Variants in GUCY1B1 observed in about 807,000 individuals in gnomAD.
The protein encoded by GUCY1B1 is guanylate cyclase 1 soluble subunit beta 1.
A neutral mutation model predicts 71.0 loss-of-function variants in GUCY1B1; 43 were observed. That is an observed-to-expected ratio of 0.61 (90% CI 0.47 to 0.78). The LOEUF is 0.78. Ranked by LOEUF, GUCY1B1 falls within the 30% of genes least tolerant of loss-of-function variation. The pLI, the probability that GUCY1B1 is intolerant of heterozygous loss-of-function variation, is 0.00. For synonymous variants in GUCY1B1, 266 were observed against 259.7 expected, an observed-to-expected ratio of 1.02 and a Z score of -0.23; for missense variants, 535 against 754.1, an observed-to-expected ratio of 0.71 and a Z score of 3.40.
chr4:155,762,399 AT>A (rs1737057894), intron 2 of GUCY1B1, among the ~76,000 whole-genome samples: 1 of 152,212 alleles, frequency 6.6e-6, no homozygotes. Flanking sequence ...AACTATCTAA[AT>A]TGATGTTTAT....
In GUCY1B1 at chr4:155,796,472, A is replaced by C. The variant is rs2229201; in HGVS notation, c.939A>C (p.Leu313Phe). Residue 313 changes from leucine to phenylalanine, a missense_variant, in exon 8 of 14, where the codon TTA becomes TTC. Transcript: ENST00000264424. ...CLRLKGQMIY[L>F]PEADSILFLC... ...GTCTCAAGGGTCAAATGATCTACTTACCTGAAGCAGATAGCATACTTTTTC... is the reference window on the plus strand; with the variant it reads ...GTCTCAAGGGTCAAATGATCTACTTCCCTGAAGCAGATAGCATACTTTTTC... 6.2e-7 allele frequency: 1 copy of C among 1,610,102 alleles called. No individual in the cohort carries two copies. The highest frequency in any genetic ancestry group is 8.5e-7 in the Non-Finnish European group (1 of 1,176,382).
intron 8 of GUCY1B1, among the ~76,000 whole-genome samples, chr4:155,797,005 A>C (rs1739600406): frequency 6.6e-6 from 1 of 152,200 alleles, no homozygotes; most frequent in Non-Finnish European, 1.5e-5. Context: ...CACTGTTCCA[A>C]ATATATTATT....
At chr4:155,803,459 G>T (rs1740094036) in intron 10 of GUCY1B1, among the ~76,000 whole-genome samples, 165 bp from the exon 11 acceptor site, 1 of 152,282 alleles carries the variant, frequency 6.6e-6, no homozygotes, top group African/African-American at 2.4e-5. Flanking sequence ...TAATTGCAAG[G>T]TTTCATTTTG....
chr4:155,775,365 T>C (rs1171167749), intron 3 of GUCY1B1, among the ~76,000 whole-genome samples: 1 of 152,178 alleles, frequency 6.6e-6, no homozygotes, highest in African/African-American at 2.4e-5. Context: ...CAACTCCGGC[T>C]CACTGCATCC....
chr4:155,787,580 C>T (rs1738882725), intron 4 of GUCY1B1, among the ~76,000 whole-genome samples: 2 of 152,188 alleles, frequency 1.3e-5, no homozygotes, highest in African/African-American at 4.8e-5. Context: ...CTCTACACAT[C>T]CATTTGTGAT....
At chr4:155,765,680 C>A (rs778414053) in intron 2 of GUCY1B1, among the ~76,000 whole-genome samples, 7 of 152,076 alleles carry the variant, frequency 4.6e-5, no homozygotes, top group Admixed American at 1.3e-4. Context: ...TATTGAAATT[C>A]TTTGTGGTCA....
chr4:155,769,531 T>C (rs1007426821), intron 2 of GUCY1B1, among the ~76,000 whole-genome samples: 3 of 152,164 alleles, frequency 2.0e-5, no homozygotes, highest in Non-Finnish European at 4.4e-5. Context: ...AGTGAAAGAC[T>C]ATGTTCACTT....
chr4:155,797,910 A>G (rs79041335), intron 8 of GUCY1B1, among the ~76,000 whole-genome samples: 18,612 of 151,972 alleles, frequency 0.12, 1,227 homozygotes, highest in Admixed American at 0.18. Flanking sequence ...AAACTAAGAA[A>G]CATAAACGCT....
At chr4:155,787,600 G>A (rs1314875788) in intron 4 of GUCY1B1, among the ~76,000 whole-genome samples, 1 of 152,162 alleles carries the variant, frequency 6.6e-6, no homozygotes, top group African/African-American at 2.4e-5. Context: ...TATAAACCAT[G>A]AGCTGCTTAA....
intron 13 of GUCY1B1, among the ~76,000 whole-genome samples, chr4:155,805,921 C>T (rs897701539): frequency 1.3e-5 from 2 of 152,140 alleles, no homozygotes; most frequent in Admixed American, 6.6e-5. Context: ...TGGCTAGCCT[C>T]TTCCTAGCCT....
chr4:155,774,495 C>G (rs1459850), intron 2 of GUCY1B1, among the ~76,000 whole-genome samples: 78,047 of 151,970 alleles, frequency 0.51, 20,352 homozygotes, highest in Middle Eastern at 0.72. Flanking sequence ...ATAATACTTA[C>G]CATTATATGT....
intron 5 of GUCY1B1, among the ~76,000 whole-genome samples, chr4:155,792,399 T>C (rs1231940551): frequency 6.6e-6 from 1 of 152,202 alleles, no homozygotes; most frequent in Non-Finnish European, 1.5e-5. Context: ...AGTAGGCCTG[T>C]CATTTAAGGT....
intron 5 of GUCY1B1, among the ~76,000 whole-genome samples, chr4:155,791,094 A>G (rs1739119432): frequency 6.6e-6 from 1 of 151,956 alleles, no homozygotes; most frequent in Non-Finnish European, 1.5e-5. Context: ...TTCAATCAAA[A>G]TAGTATATAC....
intron 3 of GUCY1B1, among the ~76,000 whole-genome samples, chr4:155,775,280 A>C (rs1737964486): frequency 6.6e-6 from 1 of 152,158 alleles, no homozygotes; most frequent in Non-Finnish European, 1.5e-5. Flanking sequence ...AATAGAAAAG[A>C]GTAAATGTGC....
At chr4:155,760,901 C>T (rs1162273389) in intron 2 of GUCY1B1, among the ~76,000 whole-genome samples, 5 of 152,114 alleles carry the variant, frequency 3.3e-5, no homozygotes, top group Non-Finnish European at 7.4e-5. Flanking sequence ...GCTGTTTTTC[C>T]CTAAGCACAT....
chr4:155,806,452 G>A lies in GUCY1B1; in HGVS notation c.*43G>A. The A allele has an allele frequency of 1.4e-6, 2 of 1,455,180 alleles. No individual in the cohort carries two copies. The highest frequency in any genetic ancestry group is 1.9e-6 in the Non-Finnish European group (2 of 1,037,340). 90.1% of individuals were successfully genotyped at this position (1,455,180 alleles called of 1,614,324 possible). On this transcript the variant is annotated 3_prime_UTR_variant, in exon 14 of 14. Coordinates refer to ENST00000264424, the MANE Select transcript of GUCY1B1 (RefSeq NM_000857.5). ...GAAGAGGAGTACAGACTAGGTTCCA[G>A]TTTTCTCCTAACACGTGCCAAGCCC...
intron 2 of GUCY1B1, among the ~76,000 whole-genome samples, chr4:155,771,192 A>G (rs1224775312): frequency 6.6e-6 from 1 of 152,232 alleles, no homozygotes; most frequent in Non-Finnish European, 1.5e-5. Context: ...TCAGAGTGAA[A>G]TTTTTAAAAG....
chr4:155,769,623 T>C (rs189597407), intron 2 of GUCY1B1, among the ~76,000 whole-genome samples: 2 of 152,242 alleles, frequency 1.3e-5, no homozygotes, highest in African/African-American at 4.8e-5. Flanking sequence ...GGCATGAAGA[T>C]TGTAGTGCTG....
chr4:155,786,899 G>A (rs989800664), intron 4 of GUCY1B1, among the ~76,000 whole-genome samples: 5 of 152,080 alleles, frequency 3.3e-5, no homozygotes, highest in African/African-American at 9.7e-5. Context: ...GTGAGAGCAC[G>A]CCTGGCCTCA....
Sources: allele counts gnomAD v4.1 joint callset (sites outside exome capture counted in the v4.1 genomes callset), GRCh38; gene constraint gnomAD v4.1.1; transcripts MANE v1.5; gene names NCBI Gene and HGNC (gene_info 2026-07-23, HGNC 2026-07-21).